The following DPP6 variants were observed in gnomAD, a reference collection of about 807,000 sequenced individuals.
The protein encoded by DPP6 is dipeptidyl peptidase like 6.
A neutral mutation model predicts 122.6 loss-of-function variants in DPP6; 69 were observed. The observed-to-expected ratio is 0.56, with a 90% CI of 0.46 to 0.69. The LOEUF is 0.69. Among genes scored for constraint, DPP6 ranks in the 30% least tolerant of loss-of-function variants. DPP6 has a pLI of 0.00. For missense variants in DPP6, 928 were observed against 1,116.9 expected, an observed-to-expected ratio of 0.83 and a Z score of 2.41; for synonymous variants, 418 against 433.1, an observed-to-expected ratio of 0.97 and a Z score of 0.43.
At chr7:154,310,386 T>A (rs889370625) in intron 1 of DPP6, among the ~76,000 whole-genome samples, 1 of 152,160 alleles carries the variant, frequency 6.6e-6, no homozygotes, top group Non-Finnish European at 1.5e-5. Context: ...ACCAACTTAC[T>A]AAAAAGTGCA....
intron 1 of DPP6, among the ~76,000 whole-genome samples, chr7:154,120,495 C>T (rs1563218414): frequency 6.6e-6 from 1 of 152,166 alleles, no homozygotes; most frequent in South Asian, 2.1e-4. Flanking sequence ...CCGCCCGCCT[C>T]AGCCTCCCAA....
intron 1 of DPP6, among the ~76,000 whole-genome samples, chr7:153,918,561 ACACAGTCT>A (rs1800466946): frequency 1.4e-5 from 1 of 69,484 alleles, no homozygotes; most frequent in Admixed American, 1.8e-4. Context: ...ACACACACAC[ACACAGTCT>A]CTCTCTCTCT....
rs188901493 is a variant in DPP6, at chr7:154,556,941, A to G, written c.553-9901A>G. ...ATGTGTTAGATGTTTTTTTGCATTCACTATTGGCACTTGGTGAGAAGGTAG... is the reference window on the plus strand; with the variant it reads ...ATGTGTTAGATGTTTTTTTGCATTCGCTATTGGCACTTGGTGAGAAGGTAG... On this transcript the variant is annotated intron_variant, in intron 4 of 25. Transcript: ENST00000377770. Among the ~76,000 whole-genome samples the G allele has an allele frequency of 5.3e-5, 8 of 152,248 alleles. No individual in the cohort carries two copies. In the East Asian group the frequency reaches 1.5e-3, roughly 29 times the overall value.
At chr7:153,778,311 C>T in the DPP6 span, among the ~76,000 whole-genome samples, 1 of 151,868 alleles carries the variant, frequency 6.6e-6, no homozygotes, top group South Asian at 2.1e-4. Context: ...TTTTAAAAAG[C>T]ATGTGGGCAT....
At chr7:153,951,241 C>T (rs759015812) in intron 1 of DPP6, among the ~76,000 whole-genome samples, 6 of 152,120 alleles carry the variant, frequency 3.9e-5, no homozygotes, top group African/African-American at 4.8e-5. Context: ...TAAAAAAACC[C>T]GGGGGAGTGA....
intron 1 of DPP6, among the ~76,000 whole-genome samples, chr7:154,120,557 T>C (rs1272072526): frequency 6.6e-6 from 1 of 152,172 alleles, no homozygotes; most frequent in Non-Finnish European, 1.5e-5. Context: ...TATGTTCATT[T>C]CAAAGGGGTC....
intron 7 of DPP6, among the ~76,000 whole-genome samples, chr7:154,715,307 G>A (rs1463626117): frequency 4.6e-5 from 7 of 152,150 alleles, no homozygotes; most frequent in Admixed American, 3.3e-4. Flanking sequence ...AACATCAGAT[G>A]ATCCACCTGC....
At chr7:154,653,378 TTGATAAA>T (rs1837007088) in intron 6 of DPP6, among the ~76,000 whole-genome samples, 2 of 152,260 alleles carry the variant, frequency 1.3e-5, no homozygotes, top group South Asian at 4.1e-4. Flanking sequence ...GACAGATTGA[TTGATAAA>T]TGATAGATAG....
chr7:154,745,515 GGT>G (rs1337913619), intron 8 of DPP6, among the ~76,000 whole-genome samples: 6 of 152,114 alleles, frequency 3.9e-5, no homozygotes, highest in Non-Finnish European at 5.9e-5. Flanking sequence ...ATGGACACAG[GGT>G]GTGTCTTAGT....
chr7:154,388,554 A>C (rs1814323596), intron 1 of DPP6, among the ~76,000 whole-genome samples: 1 of 152,102 alleles, frequency 6.6e-6, no homozygotes. Flanking sequence ...ACCATTTTGC[A>C]AAGGAGAGAG....
chr7:154,632,783 G>A (rs1256150445), intron 5 of DPP6, among the ~76,000 whole-genome samples: 1 of 152,172 alleles, frequency 6.6e-6, no homozygotes, highest in Non-Finnish European at 1.5e-5. Context: ...ATGGTACAGA[G>A]AAAGAAAAGA....
At chr7:154,137,410 A>G (rs1795611259) in intron 1 of DPP6, among the ~76,000 whole-genome samples, 1 of 151,844 alleles carries the variant, frequency 6.6e-6, no homozygotes, top group Admixed American at 6.6e-5. Context: ...ACAAAAGCAG[A>G]ATCACAGACA....
chr7:154,728,852 T>C (rs1842197711), intron 8 of DPP6, among the ~76,000 whole-genome samples: 1 of 152,202 alleles, frequency 6.6e-6, no homozygotes, highest in Non-Finnish European at 1.5e-5. Flanking sequence ...CAAATCTTTT[T>C]ATCTTTTTAT....
chr7:154,219,483 C>G (rs1326565149), intron 1 of DPP6, among the ~76,000 whole-genome samples: 2 of 152,190 alleles, frequency 1.3e-5, no homozygotes, highest in African/African-American at 4.8e-5. Flanking sequence ...GAAGGAAGAC[C>G]TTTCCGGGTA....
chr7:154,463,422 T>C (rs1418299651), intron 2 of DPP6, among the ~76,000 whole-genome samples: 2 of 151,950 alleles, frequency 1.3e-5, no homozygotes, highest in Non-Finnish European at 1.5e-5. Flanking sequence ...TTAGCCAGGA[T>C]GGTCTCGATC....
chr7:154,261,687 T>C (rs1003376592), intron 1 of DPP6, among the ~76,000 whole-genome samples: 6 of 141,044 alleles, frequency 4.3e-5, no homozygotes, highest in African/African-American at 7.4e-5. Flanking sequence ...TCAAACAAAT[T>C]AGCAAGAAAA....
intron 1 of DPP6, among the ~76,000 whole-genome samples, chr7:154,273,863 C>A (rs752276991): frequency 5.9e-5 from 9 of 152,186 alleles, no homozygotes; most frequent in African/African-American, 1.7e-4. Context: ...CAATGCTAGG[C>A]GTCTCACTAT....
chr7:154,436,231 C>T (rs558759848), intron 1 of DPP6, among the ~76,000 whole-genome samples: 11 of 150,898 alleles, frequency 7.3e-5, no homozygotes, highest in Admixed American at 1.3e-4. Flanking sequence ...AGCTTCATCT[C>T]GGATGCTTCA....
At chr7:154,256,157 G>T (rs747152816) in intron 1 of DPP6, among the ~76,000 whole-genome samples, 7 of 152,268 alleles carry the variant, frequency 4.6e-5, no homozygotes, top group Non-Finnish European at 1.0e-4. Flanking sequence ...GACTATAAGA[G>T]GAGAAACCAC....
Sources: gnomAD v4.1 joint callset for allele counts (sites outside exome capture counted in the v4.1 genomes callset) on GRCh38, gnomAD v4.1.1 for gene constraint, MANE v1.5 for transcripts, NCBI Gene and HGNC (gene_info 2026-07-23, HGNC 2026-07-21) for gene names.